The following AGGF1 variants were observed in gnomAD, a reference collection of about 807,000 sequenced individuals.
AGGF1 encodes angiogenic factor with G patch and FHA domains 1.
In AGGF1, 56 loss-of-function variants were observed where a neutral mutation model predicts 86.5. The observed-to-expected ratio is 0.65, with a 90% CI of 0.52 to 0.81. The LOEUF (loss-of-function observed/expected upper bound fraction) is 0.81. Ranked by LOEUF, AGGF1 falls within the 30% of genes least tolerant of loss-of-function variation. AGGF1 has a pLI of 0.00. For synonymous variants in AGGF1, 313 were observed against 297.1 expected (o/e 1.05, Z -0.55); for missense variants, 816 against 850.9 (o/e 0.96, Z 0.51).
At chr5:77,031,017 G>A in intron 1 of AGGF1, 41 bp downstream of exon 1, 1 of 1,606,712 alleles carries the variant, frequency 6.2e-7, no homozygotes, top group African/African-American at 1.3e-5. Context: ...TCCAGCCCAG[G>A]CGAGGCCTTC....
intron 5 of AGGF1, among the ~76,000 whole-genome samples, chr5:77,043,621 C>CG (rs1398378521): frequency 5.9e-5 from 7 of 118,562 alleles, no homozygotes; most frequent in African/African-American, 2.2e-4. Flanking sequence ...GCTGGCCGGG[C>CG]GGGGGGGCTG....
intron 10 of AGGF1, 102 bp from the exon 11 acceptor site, chr5:77,055,412 A>C: frequency 1.4e-6 from 1 of 740,114 alleles, no homozygotes; most frequent in Non-Finnish European, 2.3e-6. Flanking sequence ...GGTTAATTGG[A>C]ATGGGTTATA....
chr5:77,046,524 A>G lies in AGGF1; in HGVS notation c.1048A>G (p.Ile350Val), dbSNP rs145817230. 38 of 1,614,088 alleles carry G rather than the reference A, an allele frequency of 2.4e-5. No homozygotes were observed. The highest frequency in any genetic ancestry group is 2.9e-5 in the Non-Finnish European group (34 of 1,179,972). Residue 350 changes from isoleucine to valine, a missense_variant, in exon 6 of 14, where the codon ATC (isoleucine) becomes GTC (valine). Ile to Val is a conservative substitution (Grantham distance 29). Around this residue, in one of 3 missense-constraint regions of AGGF1, gnomAD observed 565 missense variants for 585.8 expected, o/e 0.96. Coordinates refer to ENST00000312916, the MANE Select transcript of AGGF1 (RefSeq NM_018046.5). Reference protein sequence around the residue: ...NTIESPLHENISNSTSFKDEK... With the variant: ...NTIESPLHENVSNSTSFKDEK... The stretch of plus-strand genomic sequence containing the variant: ...TATAGAGTCTCCTCTTCATGAAAAC[A>G]TCTCTAATTCAACATCATTTAAAGA...
At chr5:77,031,441 A>T (rs1746851329) in intron 1 of AGGF1, among the ~76,000 whole-genome samples, 1 of 152,224 alleles carries the variant, frequency 6.6e-6, no homozygotes. Flanking sequence ...AAACTTTTGA[A>T]TGCTATACCT....
rs888822386 is a variant in AGGF1 at position 77,046,749 on chromosome 5, G to T, written c.1201+72G>T. On this transcript the variant is annotated intron_variant, in intron 6 of 13. Coordinates refer to ENST00000312916, the MANE Select transcript of AGGF1 (RefSeq NM_018046.5). ...ATAAAAGAGCAAAACCATTAAAAAT[G>T]TTAGTGAGTTGTAGTATATCTGCCA... 174 of 1,375,460 alleles carry T rather than the reference G, an allele frequency of 1.3e-4. 2 individuals carry two copies. In the Middle Eastern group the frequency reaches 1.6e-3, roughly 13 times the overall value. 85.2% of individuals were successfully genotyped at this position (1,375,460 alleles called of 1,614,324 possible). A position where few individuals can be genotyped will look rare whatever the true frequency, so the allele number is the denominator to read the frequency against.
At chr5:77,054,471 C>G (rs1747427554) in intron 10 of AGGF1, among the ~76,000 whole-genome samples, 2 of 152,174 alleles carry the variant, frequency 1.3e-5, no homozygotes, top group Admixed American at 1.3e-4. Flanking sequence ...TTGATAAGCT[C>G]TCTTTCTGCT....
intron 5 of AGGF1, among the ~76,000 whole-genome samples, chr5:77,043,590 C>A (rs1196013418): frequency 9.1e-6 from 1 of 109,324 alleles, no homozygotes; most frequent in African/African-American, 3.2e-5. Context: ...GGGGCTGACC[C>A]CCCCCCCCCC....
At chr5:77,040,372 A>T (rs1325416529) in intron 5 of AGGF1, among the ~76,000 whole-genome samples, 4 of 151,698 alleles carry the variant, frequency 2.6e-5, no homozygotes, top group African/African-American at 9.7e-5. Context: ...TGCCTCCCAA[A>T]GTGCTGAGAT....
In AGGF1 at chr5:77,054,947, G is replaced by A. The variant is rs192427641; in HGVS notation, c.1634-567G>A. On this transcript the variant is annotated intron_variant, in intron 10 of 13. Transcript: ENST00000312916. The stretch of plus-strand genomic sequence containing the variant: ...TGTACCATTATTCTTTATTATAATA[G>A]CACTGTAGGATATTACTGTTTTGCT... 5.9e-4 allele frequency among the ~76,000 whole-genome samples: 90 copies of A among 152,144 alleles called. 1 individual carries two copies. Among genetic ancestry groups the A allele is most frequent in the Middle Eastern group, 6.8e-3 (2 of 292 alleles).
chr5:77,052,945 G>A, intron 9 of AGGF1, 138 bp downstream of exon 9: 4 of 746,708 alleles, frequency 5.4e-6, no homozygotes, highest in Admixed American at 2.4e-5. Context: ...GGAATTTCCA[G>A]AAAGGCTGAA....
intron 9 of AGGF1, among the ~76,000 whole-genome samples, chr5:77,053,442 C>T (rs1156328161): frequency 6.6e-6 from 1 of 152,072 alleles, no homozygotes; most frequent in Non-Finnish European, 1.5e-5. Context: ...TCGTTTGCAC[C>T]GGGGAGGTGG....
Position 77,063,336 on chromosome 5 carries a change from C to A in AGGF1, c.*84C>A. The A allele has an allele frequency of 7.6e-7, 1 of 1,308,646 alleles. No homozygotes were observed. Among genetic ancestry groups the A allele is most frequent in the Non-Finnish European group, 1.1e-6 (1 of 932,224 alleles). The allele number at this position is 1,308,646 out of a possible 1,614,324, so 81.1% of individuals were successfully genotyped here. A position where few individuals can be genotyped will look rare whatever the true frequency, so the allele number is the denominator to read the frequency against. ...TTTTTCTCCCCAAAAGAATCAGCAG[C>A]ACAGGGGAACTATGTCACAGTTTAC... On this transcript the variant is annotated 3_prime_UTR_variant, in exon 14 of 14. Transcript: ENST00000312916.
At chr5:77,059,883 C>T (rs765159315) in intron 12 of AGGF1, 140 bp downstream of exon 12, 6 of 1,156,868 alleles carry the variant, frequency 5.2e-6, no homozygotes, top group Non-Finnish European at 7.5e-6. Flanking sequence ...GCTCCGTCGC[C>T]CAGGCTGGAG....
intron 5 of AGGF1, 144 bp from the exon 6 acceptor site, chr5:77,046,203 A>G (rs192938717): frequency 5.5e-5 from 43 of 775,198 alleles, no homozygotes; most frequent in Non-Finnish European, 7.7e-5. Context: ...AAATGTGAGA[A>G]GGAGAGGGGG....
rs553004032 is a variant in AGGF1 at position 77,030,820 on chromosome 5, C to T, written c.54C>T (p.Pro18=). ...GGTCGCCGCCGCCGCCCACCTCCCCCGAGCCTGAGCTGGCCCAGCTAAGGC... is the reference window on the plus strand; with the variant it reads ...GGTCGCCGCCGCCGCCCACCTCCCCTGAGCCTGAGCTGGCCCAGCTAAGGC... The part of the protein sequence containing the change: ...PPRSPPPPTS[P]EPELAQLRRK... The change falls in exon 1 of 14, where the codon CCC becomes CCT. Residue 18 remains proline (P), a synonymous_variant. Coordinates refer to ENST00000312916, the MANE Select transcript of AGGF1 (RefSeq NM_018046.5). The T allele has an allele frequency of 1.2e-6, 2 of 1,608,610 alleles. No homozygotes were observed. The highest frequency in any genetic ancestry group is 1.7e-6 in the Non-Finnish European group (2 of 1,179,136).
At chr5:77,036,894 CA>C (rs1378238924) in intron 4 of AGGF1, among the ~76,000 whole-genome samples, 174 bp downstream of exon 4, 1 of 152,132 alleles carries the variant, frequency 6.6e-6, no homozygotes, top group Non-Finnish European at 1.5e-5. Flanking sequence ...TGCACCACCA[CA>C]CCCTGCTAAT....
In AGGF1 at chr5:77,047,669, A is replaced by G. The variant is rs200083591; in HGVS notation, c.1202-492A>G. ...GCTGGGACTACAGGCGCATGTCACCACGCACACCCAGCTAATTTTTGTATT... is the reference window on the plus strand; with the variant it reads ...GCTGGGACTACAGGCGCATGTCACCGCGCACACCCAGCTAATTTTTGTATT... On this transcript the variant is annotated intron_variant, in intron 6 of 13. Coordinates refer to ENST00000312916, the MANE Select transcript of AGGF1 (RefSeq NM_018046.5). Among the ~76,000 whole-genome samples, 4 of 152,098 alleles carry G rather than the reference A, an allele frequency of 2.6e-5. No individual in the cohort carries two copies. The East Asian group carries it at 7.7e-4, about 29-fold the overall frequency.
rs1197652376 is a variant in AGGF1 at position 77,036,546 on chromosome 5, T to G, written c.517-10T>G. 6.2e-7 allele frequency: 1 copy of G among 1,613,996 alleles called. No individual in the cohort carries two copies. The highest frequency in any genetic ancestry group is 8.5e-7 in the Non-Finnish European group (1 of 1,179,898). On this transcript the variant is annotated splice_polypyrimidine_tract_variant and intron_variant, in intron 3 of 13. Transcript: ENST00000312916. ...TTTTGTCTTATTTGGCATGACTATA[T>G]CTTTTATAGGAGCCAGCATCTGCAT...
intron 10 of AGGF1, among the ~76,000 whole-genome samples, chr5:77,055,032 T>A (rs1042879695): frequency 7.2e-5 from 11 of 152,154 alleles, no homozygotes; most frequent in African/African-American, 2.4e-4. Flanking sequence ...TAGTAAGAGG[T>A]CATCTTTTTT....
Sources: gnomAD v4.1 joint callset for allele counts (sites outside exome capture counted in the v4.1 genomes callset) on GRCh38, gnomAD v4.1.1 for gene constraint, gnomAD v4.1.1 regional missense constraint, MANE v1.5 for transcripts, NCBI Gene and HGNC (gene_info 2026-07-23, HGNC 2026-07-21) for gene names.